Variants in USP32 observed in about 807,000 individuals in gnomAD.
The protein encoded by USP32 is ubiquitin specific peptidase 32.
In USP32, 59 loss-of-function variants were observed where a neutral mutation model predicts 204.8. The ratio of observed to expected loss-of-function variants is 0.29; its 90% CI spans 0.23 to 0.36. The LOEUF is 0.36. USP32 is among the 10% of genes least tolerant of loss of function. The probability of loss-of-function intolerance (pLI) is 1.00; values close to 1 mark genes in which losing one functional copy is unlikely to be tolerated. For synonymous variants in USP32, 517 were observed against 678.4 expected, an observed-to-expected ratio of 0.76 and a Z score of 3.70; for missense variants, 1,160 against 1,946.4, an observed-to-expected ratio of 0.60 and a Z score of 7.60.
At chr17:60,260,391 C>T (rs1400439770) in intron 9 of USP32, among the ~76,000 whole-genome samples, 1 of 151,640 alleles carries the variant, frequency 6.6e-6, no homozygotes, top group African/African-American at 2.4e-5. Flanking sequence ...GGTGTGGTGG[C>T]GGGTGCCTGT....
intron 5 of USP32, among the ~76,000 whole-genome samples, chr17:60,283,149 C>G (rs1379198517): frequency 1.3e-5 from 2 of 152,140 alleles, no homozygotes; most frequent in Non-Finnish European, 2.9e-5. Context: ...TCTCAATTGT[C>G]AAGGGCTGAA....
intron 12 of USP32, among the ~76,000 whole-genome samples, chr17:60,229,938 G>A (rs1470894345): frequency 2.0e-5 from 3 of 151,776 alleles, no homozygotes; most frequent in Non-Finnish European, 1.5e-5. Context: ...CTCAGCCTCC[G>A]GAGTAGCTGG....
intron 1 of USP32, among the ~76,000 whole-genome samples, chr17:60,358,292 A>G (rs1225735845): frequency 6.6e-6 from 1 of 152,044 alleles, no homozygotes; most frequent in Admixed American, 6.6e-5. Flanking sequence ...AACACAATCC[A>G]GGCTGGGCAT....
At chr17:60,251,931 G>A (rs991734276) in intron 11 of USP32, among the ~76,000 whole-genome samples, 2 of 151,994 alleles carry the variant, frequency 1.3e-5, no homozygotes, top group African/African-American at 4.8e-5. Flanking sequence ...AGGGAATAAA[G>A]TAGGTATTTC....
intron 5 of USP32, among the ~76,000 whole-genome samples, chr17:60,287,838 G>A (rs1048305946): frequency 2.0e-5 from 3 of 152,142 alleles, no homozygotes; most frequent in African/African-American, 4.8e-5. Context: ...CTCAGGCCGG[G>A]CATGGTGGCT....
rs576957353 is a variant in USP32, at chr17:60,421,675, G to A, written c.106+571C>T. On this transcript the variant is annotated intron_variant, in intron 1 of 3. Coordinates refer to the USP32 transcript ENST00000588898. ...GGGGCGCTGCTGCCGCGCCAGGGGC[G>A]AGGGTCCCGGGGCCTCCTGAGCACC... The A allele has an allele frequency of 1.1e-5, 10 of 882,168 alleles. No homozygotes were observed. In the South Asian group the frequency reaches 3.6e-4, roughly 32 times the overall value. 54.6% of individuals were successfully genotyped at this position (882,168 alleles called of 1,614,324 possible). A position where few individuals can be genotyped will look rare whatever the true frequency, so the allele number is the denominator to read the frequency against.
At chr17:60,333,687 A>G (rs2088444996) in intron 2 of USP32, among the ~76,000 whole-genome samples, 2 of 151,118 alleles carry the variant, frequency 1.3e-5, no homozygotes, top group African/African-American at 2.4e-5. Context: ...GGAGGGAAAG[A>G]AAAGAGAGGA....
chr17:60,216,334 G>A (rs527327241), intron 16 of USP32, among the ~76,000 whole-genome samples: 81 of 148,624 alleles, frequency 5.4e-4, no homozygotes, highest in African/African-American at 2.0e-3. Context: ...TAACTACTCC[G>A]CCAAAAATCT....
chr17:60,290,214 C>A (rs2087237294), intron 4 of USP32, among the ~76,000 whole-genome samples: 1 of 152,180 alleles, frequency 6.6e-6, no homozygotes, highest in South Asian at 2.1e-4. Flanking sequence ...AGTTTGCCAG[C>A]TCCCTAAAGC....
chr17:60,210,732 A>G (rs1227653194), intron 21 of USP32, among the ~76,000 whole-genome samples: 5 of 152,282 alleles, frequency 3.3e-5, no homozygotes, highest in Admixed American at 1.3e-4. Context: ...AAGTATTACC[A>G]AAAAAGGTTT....
At chr17:60,269,584 A>C (rs1186221351) in intron 6 of USP32, 27 bp from the exon 7 acceptor site, 1 of 1,549,506 alleles carries the variant, frequency 6.5e-7, no homozygotes, top group Admixed American at 1.9e-5. Flanking sequence ...GATGCCATAA[A>C]TCACAGCCAA....
At chr17:60,187,568 T>C (rs1166054631) in intron 29 of USP32, among the ~76,000 whole-genome samples, 1 of 152,362 alleles carries the variant, frequency 6.6e-6, no homozygotes, top group East Asian at 1.9e-4. Context: ...TTATCTCTAT[T>C]ATCTCTACCA....
At chr17:60,309,549 C>T (rs550645419) in intron 2 of USP32, among the ~76,000 whole-genome samples, 1 of 151,970 alleles carries the variant, frequency 6.6e-6, no homozygotes. Flanking sequence ...TTGCAGTGGG[C>T]CAAGACTGCA....
At chr17:60,237,671 T>A (rs1338907897) in intron 11 of USP32, among the ~76,000 whole-genome samples, 13 of 152,218 alleles carry the variant, frequency 8.5e-5, no homozygotes, top group Admixed American at 8.5e-4. Flanking sequence ...TTCATGTAAA[T>A]GGGATGATTC....
chr17:60,256,737 A>T, intron 9 of USP32: 1 of 1,153,796 alleles, frequency 8.7e-7, no homozygotes. Context: ...AGAACTTCAA[A>T]GGCTATGTAA....
intron 2 of USP32, among the ~76,000 whole-genome samples, chr17:60,331,699 C>T (rs1391312055): frequency 7.1e-6 from 1 of 139,868 alleles, no homozygotes; most frequent in African/African-American, 2.7e-5. Flanking sequence ...TGCTTGAGTC[C>T]AGGAGTTCAA....
chr17:60,231,456 C>T, intron 12 of USP32: 3 of 442,408 alleles, frequency 6.8e-6, no homozygotes, highest in South Asian at 4.8e-5. Flanking sequence ...ACCTCAGAGG[C>T]TTCATTTGTA....
chr17:60,324,302 A>T lies in USP32; in HGVS notation c.186+21179T>A, dbSNP rs570848030. On this transcript the variant is annotated intron_variant, in intron 2 of 33. Transcript: ENST00000300896. ...GTTTCAAATATATATATATATATAT[A>T]TTTTAATTAAAAACTATTTTTAAAA... 6.2e-4 allele frequency among the ~76,000 whole-genome samples: 92 copies of T among 149,306 alleles called. 2 individuals are homozygous for T. In the South Asian group the frequency reaches 7.3e-3, roughly 12 times the overall value.
chr17:60,183,215 A>G lies in USP32; in HGVS notation c.4073T>C (p.Leu1358Pro). 1 of 1,613,998 alleles carries G rather than the reference A, an allele frequency of 6.2e-7. No individual in the cohort carries two copies. The highest frequency in any genetic ancestry group is 8.5e-7 in the Non-Finnish European group (1 of 1,179,850). Reference protein sequence around the residue: ...QSSAGEEDVLLSKSPSSLSAN... With the variant: ...QSSAGEEDVLPSKSPSSLSAN... ...GCTGAGTGAGGATGGGCTTTTGCTC[A>G]GGAGCACGTCCTCTTCCCCAGCCGA... Residue 1358 changes from leucine to proline, a missense_variant, in exon 31 of 34, where the codon CTG becomes CCG. Physicochemically the swap from Leu to Pro is moderately conservative, Grantham distance 98. Transcript: ENST00000300896.
Sources: gnomAD v4.1 joint callset for allele counts (sites outside exome capture counted in the v4.1 genomes callset) on GRCh38, gnomAD v4.1.1 for gene constraint, MANE v1.5 for transcripts, NCBI Gene and HGNC (gene_info 2026-07-23, HGNC 2026-07-21) for gene names.